Variants in DNAH8 observed in about 807,000 individuals in gnomAD.
DNAH8 encodes dynein axonemal heavy chain 8, also known as axonemal beta dynein heavy chain 8.
Under a neutral mutation model 562.1 loss-of-function variants are expected in DNAH8, and 382 were observed. The ratio of observed to expected loss-of-function variants is 0.68; its 90% CI spans 0.63 to 0.74. DNAH8 has a LOEUF of 0.74. DNAH8 is among the 30% of genes least tolerant of loss of function. The pLI is 0.00. For synonymous variants in DNAH8, 1,881 were observed against 1,919.4 expected (o/e 0.98, Z 0.52); for missense variants, 5,203 against 5,620.4 (o/e 0.93, Z 2.37).
At chr6:38,787,031 C>T (rs1769231165) in intron 18 of DNAH8, 79 bp downstream of exon 18, 1 of 801,672 alleles carries the variant, frequency 1.2e-6, no homozygotes. Context: ...ATATATATCC[C>T]TGCAGTTATG....
At chr6:38,788,859 A>G (rs997142221) in intron 18 of DNAH8, among the ~76,000 whole-genome samples, 2 of 152,234 alleles carry the variant, frequency 1.3e-5, no homozygotes, top group African/African-American at 2.4e-5. Context: ...ATCCAAAGTC[A>G]TGAAGATTTG....
chr6:39,005,612 AT>A (rs1765748366), intron 88 of DNAH8, among the ~76,000 whole-genome samples: 1 of 152,192 alleles, frequency 6.6e-6, no homozygotes, highest in Non-Finnish European at 1.5e-5. Flanking sequence ...ACATATTTTC[AT>A]GTGCTTATTG....
At chr6:38,825,172 G>A (rs890275890) in intron 28 of DNAH8, among the ~76,000 whole-genome samples, 1 of 152,096 alleles carries the variant, frequency 6.6e-6, no homozygotes, top group Non-Finnish European at 1.5e-5. Flanking sequence ...GGGTCCCCTA[G>A]GGGATCTCAT....
intron 91 of DNAH8, among the ~76,000 whole-genome samples, chr6:39,014,281 G>C (rs1197311187): frequency 6.6e-6 from 1 of 152,136 alleles, no homozygotes; most frequent in African/African-American, 2.4e-5. Context: ...AGTTAGGGGA[G>C]GAACATTTTT....
chr6:38,850,050 G>T (rs532603901), intron 37 of DNAH8, among the ~76,000 whole-genome samples: 2 of 152,094 alleles, frequency 1.3e-5, no homozygotes, highest in Non-Finnish European at 2.9e-5. Flanking sequence ...TGATAAAGAA[G>T]CATTTTAATA....
At chr6:38,883,111 G>A in intron 54 of DNAH8, 59 bp downstream of exon 54, 1 of 1,446,202 alleles carries the variant, frequency 6.9e-7, no homozygotes, top group Non-Finnish European at 9.2e-7. Context: ...ACGGGAATAT[G>A]CACCCATATT....
chr6:38,787,735 A>T (rs1769313310), intron 18 of DNAH8, among the ~76,000 whole-genome samples: 1 of 149,832 alleles, frequency 6.7e-6, no homozygotes, highest in Admixed American at 6.6e-5. Flanking sequence ...TCAAAGGTTG[A>T]TGATTGATTC....
At chr6:38,814,625 A>C (rs1738220) in intron 25 of DNAH8, among the ~76,000 whole-genome samples, 63,808 of 151,824 alleles carry the variant, frequency 0.42, 14,337 homozygotes, top group East Asian at 0.8. Flanking sequence ...GTATTGAAGG[A>C]CTCGTGAAAG....
intron 10 of DNAH8, among the ~76,000 whole-genome samples, chr6:38,758,784 A>T (rs912897607): frequency 1.3e-5 from 2 of 152,218 alleles, no homozygotes; most frequent in Non-Finnish European, 2.9e-5. Flanking sequence ...CTGTTGAGAT[A>T]ATCATGTGGT....
At chr6:38,725,719 C>G (rs1312017816) in intron 3 of DNAH8, among the ~76,000 whole-genome samples, 1 of 152,046 alleles carries the variant, frequency 6.6e-6, no homozygotes, top group Admixed American at 6.6e-5. Flanking sequence ...TTACAGAGGC[C>G]CCTGTGCTTA....
chr6:38,969,711 G>T (rs553846405), intron 82 of DNAH8, among the ~76,000 whole-genome samples: 1 of 145,536 alleles, frequency 6.9e-6, no homozygotes, highest in Non-Finnish European at 1.5e-5. Flanking sequence ...GTGTGTGTGG[G>T]GGGGAGTGGG....
rs1761709118 is a variant in DNAH8 at position 38,949,499 on chromosome 6, T to C, written c.12177T>C (p.Ala4059=). The change falls in exon 81 of 93, where the codon GCT becomes GCC. Residue 4059 remains alanine (A), a synonymous_variant. Coordinates refer to ENST00000327475, the MANE Select transcript of DNAH8 (RefSeq NM_001206927.2). ...KGWKSWFDKD[A]PEEEIIPDGY... is the part of the protein sequence containing the mutation. ...GGAAAAGCTGGTTTGATAAAGATGCTCCAGAGGAGGAAATTATCCCTGATG... is the reference window on the plus strand; with the variant it reads ...GGAAAAGCTGGTTTGATAAAGATGCCCCAGAGGAGGAAATTATCCCTGATG... 1.2e-6 allele frequency: 2 copies of C among 1,613,508 alleles called. No individual in the cohort carries two copies. The highest frequency in any genetic ancestry group is 1.1e-5 in the South Asian group (1 of 91,060).
chr6:38,882,364 T>C (rs930478826), intron 53 of DNAH8, among the ~76,000 whole-genome samples: 1 of 152,198 alleles, frequency 6.6e-6, no homozygotes, highest in African/African-American at 2.4e-5. Context: ...ACATATACCA[T>C]GGAATACTAT....
chr6:38,890,841 A>T, intron 58 of DNAH8, 80 bp downstream of exon 58: 1 of 927,794 alleles, frequency 1.1e-6, no homozygotes, highest in Non-Finnish European at 1.8e-6. Flanking sequence ...TCATTAAGTT[A>T]TCATAATATC....
intron 11 of DNAH8, chr6:38,764,228 G>C (rs56195222): frequency 0.037 from 5,749 of 154,140 alleles, 379 homozygotes; most frequent in African/African-American, 0.12. Context: ...GGAGGCTTGT[G>C]TGTGACAAGC....
intron 66 of DNAH8, among the ~76,000 whole-genome samples, chr6:38,912,497 C>T (rs1747681325): frequency 6.6e-6 from 1 of 152,050 alleles, no homozygotes; most frequent in African/African-American, 2.4e-5. Flanking sequence ...CACTTGGTCA[C>T]ATAGCATAAC....
At chr6:38,942,810 G>A (rs1411762504) in intron 79 of DNAH8, among the ~76,000 whole-genome samples, 1 of 152,158 alleles carries the variant, frequency 6.6e-6, no homozygotes, top group Non-Finnish European at 1.5e-5. Flanking sequence ...TCGATACTAA[G>A]ACATAGTCCC....
chr6:38,858,015 T>C (rs1404191044), intron 42 of DNAH8, among the ~76,000 whole-genome samples: 4 of 152,192 alleles, frequency 2.6e-5, no homozygotes, highest in Non-Finnish European at 4.4e-5. Context: ...CATGATATAA[T>C]TTAGGTCATA....
chr6:38,949,225 T>A (rs1761687654), intron 80 of DNAH8, among the ~76,000 whole-genome samples: 1 of 152,186 alleles, frequency 6.6e-6, no homozygotes, highest in South Asian at 2.1e-4. Context: ...TGACACACGA[T>A]CCTAATTGTA....
Sources: gnomAD v4.1 joint callset for allele counts (sites outside exome capture counted in the v4.1 genomes callset) on GRCh38, gnomAD v4.1.1 for gene constraint, MANE v1.5 for transcripts, NCBI Gene and HGNC (gene_info 2026-07-23, HGNC 2026-07-21) for gene names.